ADAM20: variants seen among roughly 807,000 people sequenced by gnomAD.
ADAM20 encodes the protein ADAM metallopeptidase domain 20, also known as disintegrin and metalloproteinase domain-containing protein 20.
For missense variants in ADAM20, 871 were observed against 883.2 expected (o/e 0.99, Z 0.18); for synonymous variants, 305 against 310.2 (o/e 0.98, Z 0.18).
chr14:70,541,691 T>C, the ADAM20 span, among the ~76,000 whole-genome samples: 2 of 152,220 alleles, frequency 1.3e-5, no homozygotes, highest in Admixed American at 6.5e-5. Context: ...AGATATAAAA[T>C]AGTGTTTGGT....
Position 70,524,921 on chromosome 14 carries a change from C to T in ADAM20, c.-164G>A. 1 of 1,568,472 alleles carries T rather than the reference C, an allele frequency of 6.4e-7. No individual in the cohort carries two copies. The highest frequency in any genetic ancestry group is 8.6e-7 in the Non-Finnish European group (1 of 1,157,868). On this transcript the variant is annotated 5_prime_UTR_variant, in exon 2 of 2. Transcript: ENST00000256389. ...GAGCTGGACCATCAGAGCTGCAGTG[C>T]TGAAAATAAAAACTGAAAGAGCCAG...
the ADAM20 span, among the ~76,000 whole-genome samples, chr14:70,555,604 A>C: frequency 6.6e-6 from 1 of 152,166 alleles, no homozygotes; most frequent in African/African-American, 2.4e-5. Flanking sequence ...CTGTGGAAAC[A>C]ACTTATTGAA....
At chr14:70,537,886 G>C (rs1246261553), upstream of ADAM20, among the ~76,000 whole-genome samples, 1 of 152,126 alleles carries the variant, frequency 6.6e-6, no homozygotes, top group Non-Finnish European at 1.5e-5. Context: ...ACCAGGAACA[G>C]TAAATGGCAA....
chr14:70,573,491 TTGGGTGA>T, the ADAM20 span, among the ~76,000 whole-genome samples: 26 of 152,148 alleles, frequency 1.7e-4, no homozygotes, highest in African/African-American at 6.3e-4. Context: ...CGTTTATTAT[TTGGGTGA>T]TGGGTTCATT....
intron 1 of ADAM20, among the ~76,000 whole-genome samples, chr14:70,532,355 G>A (rs2139540153): frequency 6.6e-6 from 1 of 151,966 alleles, no homozygotes; most frequent in South Asian, 2.1e-4. Flanking sequence ...AATAAGACCT[G>A]AGACTATAAA....
At chr14:70,546,215 G>C in the ADAM20 span, among the ~76,000 whole-genome samples, 1 of 152,158 alleles carries the variant, frequency 6.6e-6, no homozygotes, top group Non-Finnish European at 1.5e-5. Flanking sequence ...CATACTAAGA[G>C]AGAAGTTTAC....
In ADAM20 at chr14:70,524,406, C is replaced by A. The variant is rs1235872920; in HGVS notation, c.352G>T (p.Val118Phe). 1 of 1,613,956 alleles carries A rather than the reference C, an allele frequency of 6.2e-7. No homozygotes were observed. Residue 118 changes from valine to phenylalanine, a missense_variant, in exon 2 of 2, where the codon GTC (valine) becomes TTC (phenylalanine). Coordinates refer to ENST00000256389, the MANE Select transcript of ADAM20 (RefSeq NM_003814.5). ...DCYYHGYVEG[V>F]PESLVALSTC... Reference sequence around the variant, plus strand: ...CTAAGGGCAACCAAGGACTCAGGGACCCCCTCCACATAACCATGGTAGTAG... The same window carrying A: ...CTAAGGGCAACCAAGGACTCAGGGAACCCCTCCACATAACCATGGTAGTAG...
chr14:70,532,208 G>T (rs1319559552), intron 1 of ADAM20, among the ~76,000 whole-genome samples: 3 of 151,892 alleles, frequency 2.0e-5, no homozygotes, highest in Non-Finnish European at 4.4e-5. Context: ...TCTGATAAAG[G>T]TGCCAAAACT....
At chr14:70,577,383 T>C in the ADAM20 span, among the ~76,000 whole-genome samples, 1 of 152,198 alleles carries the variant, frequency 6.6e-6, no homozygotes, top group Non-Finnish European at 1.5e-5. Context: ...TATCATCTGT[T>C]ATCTCAACAG....
chr14:70,523,418 C>A lies in ADAM20; in HGVS notation c.1340G>T (p.Cys447Phe). 2 of 1,614,038 alleles carry A rather than the reference C, an allele frequency of 1.2e-6. No homozygotes were observed. Among genetic ancestry groups the A allele is most frequent in the African/African-American group, 1.3e-5 (1 of 75,022 alleles). ...LNCTLHPGAACAFGICCKDCK... is the reference protein window; with the variant it reads ...LNCTLHPGAAFAFGICCKDCK... The stretch of plus-strand genomic sequence containing the variant: ...GTCTTTGCAACATATTCCAAAAGCA[C>A]AAGCAGCCCCAGGATGTAGAGTACA... Residue 447 changes from cysteine to phenylalanine, a missense_variant, in exon 2 of 2, where the codon TGT becomes TTT. Coordinates refer to ENST00000256389, the MANE Select transcript of ADAM20 (RefSeq NM_003814.5).
the ADAM20 span, among the ~76,000 whole-genome samples, chr14:70,542,667 G>C: frequency 1.3e-4 from 20 of 152,186 alleles, no homozygotes; most frequent in Admixed American, 5.2e-4. Flanking sequence ...GTCCAGGCAT[G>C]GTGGCTCACG....
At chr14:70,574,367 C>T in the ADAM20 span, among the ~76,000 whole-genome samples, 1 of 151,968 alleles carries the variant, frequency 6.6e-6, no homozygotes, top group Non-Finnish European at 1.5e-5. Flanking sequence ...AAGAAGAGGC[C>T]GGGCATGGTG....
intron 1 of ADAM20, among the ~76,000 whole-genome samples, chr14:70,526,238 C>A (rs1883587795): frequency 6.6e-6 from 1 of 152,044 alleles, no homozygotes; most frequent in Admixed American, 6.6e-5. Flanking sequence ...TTTGGAGACA[C>A]GTTGTTAACA....
At chr14:70,532,679 A>G (rs1451248457) in intron 1 of ADAM20, among the ~76,000 whole-genome samples, 1 of 152,186 alleles carries the variant, frequency 6.6e-6, no homozygotes, top group Non-Finnish European at 1.5e-5. Flanking sequence ...ATACTTAACT[A>G]TATTGGCATT....
At chr14:70,540,095 G>A in the ADAM20 span, among the ~76,000 whole-genome samples, 1 of 152,146 alleles carries the variant, frequency 6.6e-6, no homozygotes, top group African/African-American at 2.4e-5. Context: ...TGGCCAGGAT[G>A]GTCTCAGTCT....
chr14:70,554,173 A>G, the ADAM20 span, among the ~76,000 whole-genome samples: 3 of 152,350 alleles, frequency 2.0e-5, no homozygotes, highest in Non-Finnish European at 4.4e-5. Context: ...TACAATAGCC[A>G]CAAATAAAAT....
In ADAM20 at chr14:70,522,632, C is replaced by T; in HGVS notation, c.2126G>A (p.Cys709Tyr). 6.2e-7 allele frequency: 1 copy of T among 1,613,586 alleles called. No individual in the cohort carries two copies. Residue 709 changes from cysteine to tyrosine, a missense_variant, in exon 2 of 2, where the codon TGC (cysteine) becomes TAC (tyrosine). Transcript: ENST00000256389. The part of the protein sequence containing the change: ...LLPLVAFLLF[C>Y]LHVLFKKRTK... ...GCGTTTCTTAAAAAGCACATGTAAG[C>T]AAAATAATAAAAAAGCAACCAAAGG...
At chr14:70,536,005 T>G (rs528820391), upstream of ADAM20, among the ~76,000 whole-genome samples, 5 of 152,170 alleles carry the variant, frequency 3.3e-5, no homozygotes, top group South Asian at 1.0e-3. Context: ...TAAAAAACAA[T>G]TAGTAAGGAA....
In ADAM20 at chr14:70,534,951, G is replaced by T. The variant is rs1883801053; in HGVS notation, c.-331C>A. Reference sequence around the variant, plus strand: ...ACTAGGAGTGATACCAAAAAAGAAAGATAAAATGGGAATCTGAGATTGATG... The same window carrying T: ...ACTAGGAGTGATACCAAAAAAGAAATATAAAATGGGAATCTGAGATTGATG... On this transcript the variant is annotated 5_prime_UTR_variant, in exon 1 of 2. Coordinates refer to ENST00000256389, the MANE Select transcript of ADAM20 (RefSeq NM_003814.5). 1 of 152,168 alleles carries T rather than the reference G, an allele frequency of 6.6e-6. No individual in the cohort carries two copies. Among genetic ancestry groups the T allele is most frequent in the Non-Finnish European group, 1.5e-5 (1 of 68,012 alleles). 9.4% of individuals were successfully genotyped at this position (152,168 alleles called of 1,614,324 possible).
Sources: allele counts gnomAD v4.1 joint callset (sites outside exome capture counted in the v4.1 genomes callset), GRCh38; gene constraint gnomAD v4.1.1; transcripts MANE v1.5; gene names NCBI Gene and HGNC (gene_info 2026-07-23, HGNC 2026-07-21).